RABGAP1: variants seen among roughly 807,000 people sequenced by gnomAD.
RABGAP1 encodes the protein rab GTPase-activating protein 1.
In RABGAP1, 23 loss-of-function variants were observed where a neutral mutation model predicts 137.6. That is an observed-to-expected ratio of 0.17 (90% confidence interval 0.12 to 0.24). RABGAP1 has a LOEUF of 0.24. RABGAP1 is among the 10% of genes least tolerant of loss of function. The pLI is 1.00. For synonymous variants in RABGAP1, 451 were observed against 450.7 expected (o/e 1.00, Z -0.01); for missense variants, 906 against 1,275.8 (o/e 0.71, Z 4.42).
chr9:123,054,238 A>G (rs1471780128), intron 13 of RABGAP1, among the ~76,000 whole-genome samples: 1 of 152,246 alleles, frequency 6.6e-6, no homozygotes, highest in Admixed American at 6.5e-5. Context: ...ATAAATCACA[A>G]GAACAGAGCC....
chr9:123,033,082 C>G (rs1405328475), intron 13 of RABGAP1, among the ~76,000 whole-genome samples: 1 of 152,046 alleles, frequency 6.6e-6, no homozygotes, highest in Non-Finnish European at 1.5e-5. Context: ...CTTTATTTTT[C>G]TCTTGAAAAA....
At chr9:122,940,994 A>AGGGGGTGGGGGGGCGGGGAC (rs1833509942), upstream of RABGAP1, 1 of 2,384 alleles carries the variant, frequency 4.2e-4, no homozygotes, top group Non-Finnish European at 8.2e-4. Context: ...CACGTGAGTA[A>AGGGGGTGGGGGGGCGGGGAC]AGGGGTGGGG....
chr9:122,976,851 C>A (rs755518322), intron 2 of RABGAP1, among the ~76,000 whole-genome samples: 1 of 152,096 alleles, frequency 6.6e-6, no homozygotes, highest in African/African-American at 2.4e-5. Flanking sequence ...CTATCTAGAA[C>A]GGTTAAGATC....
chr9:123,047,077 G>A (rs149779814), intron 13 of RABGAP1, among the ~76,000 whole-genome samples: 1 of 152,276 alleles, frequency 6.6e-6, no homozygotes, highest in African/African-American at 2.4e-5. Flanking sequence ...TTAGAAAATA[G>A]GAGTTTTCAG....
intron 2 of RABGAP1, among the ~76,000 whole-genome samples, chr9:122,979,043 G>T (rs1221316453): frequency 6.6e-6 from 1 of 152,002 alleles, no homozygotes; most frequent in African/African-American, 2.4e-5. Context: ...AGACCAAGGT[G>T]TGTGCCAGTA....
chr9:122,952,689 T>A (rs911718322), intron 1 of RABGAP1, among the ~76,000 whole-genome samples: 1 of 152,056 alleles, frequency 6.6e-6, no homozygotes, highest in African/African-American at 2.4e-5. Flanking sequence ...TGAGCTAGGA[T>A]CACACTACCA....
intron 23 of RABGAP1, 56 bp from the exon 24 acceptor site, chr9:123,099,422 T>G (rs755838523): frequency 7.8e-5 from 116 of 1,483,672 alleles, no homozygotes; most frequent in Admixed American, 1.5e-4. Flanking sequence ...ACTATGGAAT[T>G]TATGCAGATG....
Position 123,103,296 on chromosome 9 carries a change from T to C in RABGAP1, c.*83T>C. 6.4e-7 allele frequency: 1 copy of C among 1,570,436 alleles called. No individual in the cohort carries two copies. Among genetic ancestry groups the C allele is most frequent in the South Asian group, 1.2e-5 (1 of 85,124 alleles). The stretch of plus-strand genomic sequence containing the variant: ...TGGCCAGATGTGTGATTCTGTGACT[T>C]GTCCCAGGACCAGAATGTACCTAAG... On this transcript the variant is annotated 3_prime_UTR_variant, in exon 26 of 26. Coordinates refer to ENST00000373647, the MANE Select transcript of RABGAP1 (RefSeq NM_012197.4).
intron 2 of RABGAP1, among the ~76,000 whole-genome samples, chr9:122,984,227 G>C (rs1198011992): frequency 6.6e-6 from 1 of 152,100 alleles, no homozygotes; most frequent in Non-Finnish European, 1.5e-5. Context: ...TAATAACATT[G>C]GCAGGCTATC....
intron 6 of RABGAP1, chr9:122,990,424 C>T: frequency 5.8e-6 from 2 of 343,616 alleles, no homozygotes; most frequent in Non-Finnish European, 1.0e-5. Flanking sequence ...ATATTGGGAA[C>T]ATGTTGCTAC....
intron 6 of RABGAP1, among the ~76,000 whole-genome samples, chr9:122,995,208 G>C (rs1836952160): frequency 6.6e-6 from 1 of 152,086 alleles, no homozygotes; most frequent in African/African-American, 2.4e-5. Flanking sequence ...TATTACACTG[G>C]TTTATAATAA....
chr9:123,065,780 T>C (rs1588366361), intron 14 of RABGAP1, among the ~76,000 whole-genome samples: 1 of 152,326 alleles, frequency 6.6e-6, no homozygotes, highest in Non-Finnish European at 1.5e-5. Flanking sequence ...GCAGACTCCT[T>C]TTCAGTATTC....
At chr9:123,001,327 G>A (rs1047023849) in intron 10 of RABGAP1, among the ~76,000 whole-genome samples, 2 of 152,108 alleles carry the variant, frequency 1.3e-5, no homozygotes, top group African/African-American at 2.4e-5. Flanking sequence ...ATAAATATAC[G>A]TTGAATTGAT....
At chr9:122,956,521 G>A (rs1415547701) in intron 1 of RABGAP1, among the ~76,000 whole-genome samples, 1 of 152,018 alleles carries the variant, frequency 6.6e-6, no homozygotes, top group Non-Finnish European at 1.5e-5. Context: ...GTGGTGGCAG[G>A]CACCTGTAGT....
At chr9:123,071,974 T>C (rs750397846) in intron 15 of RABGAP1, among the ~76,000 whole-genome samples, 1 of 151,930 alleles carries the variant, frequency 6.6e-6, no homozygotes. Flanking sequence ...AGATAAGGAG[T>C]CTGAATCTTG....
intron 2 of RABGAP1, among the ~76,000 whole-genome samples, chr9:122,970,449 A>C (rs1372850664): frequency 2.0e-5 from 3 of 152,214 alleles, no homozygotes; most frequent in Admixed American, 2.0e-4. Context: ...TGTCTTAAAA[A>C]AGAAATGTTT....
At chr9:122,977,651 A>C (rs1835832738) in intron 2 of RABGAP1, among the ~76,000 whole-genome samples, 1 of 152,162 alleles carries the variant, frequency 6.6e-6, no homozygotes, top group Non-Finnish European at 1.5e-5. Flanking sequence ...GGTTGCAGTG[A>C]GCAGAGATTG....
At chr9:123,025,338 A>G (rs1053544010) in intron 13 of RABGAP1, among the ~76,000 whole-genome samples, 8 of 152,174 alleles carry the variant, frequency 5.3e-5, no homozygotes, top group Non-Finnish European at 1.2e-4. Context: ...TTTGTTTTCT[A>G]TCTCATACCT....
chr9:122,998,664 T>G lies in RABGAP1; in HGVS notation c.1272T>G (p.Phe424Leu). 1.2e-6 allele frequency: 2 copies of G among 1,611,884 alleles called. No individual in the cohort carries two copies. Among genetic ancestry groups the G allele is most frequent in the African/African-American group, 1.3e-5 (1 of 75,032 alleles). ...VITEVQEPVR[F>L]LLETKVRVCS... ...CAGAAGTACAGGAGCCTGTTCGATTTCTCCTGGAGACAAAAGTCCGCGTTT... is the reference window on the plus strand; with the variant it reads ...CAGAAGTACAGGAGCCTGTTCGATTGCTCCTGGAGACAAAAGTCCGCGTTT... The change falls in exon 10 of 26, where the codon TTT (phenylalanine) becomes TTG (leucine). Residue 424 changes from phenylalanine (F) to leucine (L), a missense_variant. Around this residue, in one of 9 missense-constraint regions of RABGAP1, gnomAD observed 212 missense variants for 289.4 expected, o/e 0.73. Transcript: ENST00000373647.
Sources: allele counts gnomAD v4.1 joint callset (sites outside exome capture counted in the v4.1 genomes callset), GRCh38; gene constraint gnomAD v4.1.1; regional missense constraint gnomAD v4.1.1; transcripts MANE v1.5; gene names NCBI Gene and HGNC (gene_info 2026-07-23, HGNC 2026-07-21).